Variants in NKAIN3 observed in about 807,000 individuals in gnomAD.
NKAIN3 encodes sodium/potassium transporting ATPase interacting 3.
A neutral mutation model predicts 30.2 loss-of-function variants in NKAIN3; 25 were observed. That is an observed-to-expected ratio of 0.83 (90% CI 0.60 to 1.16). The LOEUF is 1.16. NKAIN3 is among the 50% of genes most tolerant of loss of function. The probability of loss-of-function intolerance (pLI) is 0.00; values close to 1 mark genes in which losing one functional copy is unlikely to be tolerated. For missense variants in NKAIN3, 225 were observed against 254.1 expected, an observed-to-expected ratio of 0.89 and a Z score of 0.78; for synonymous variants, 91 against 89.6, an observed-to-expected ratio of 1.02 and a Z score of -0.09.
At chr8:62,413,117 T>C (rs1225544397) in intron 1 of NKAIN3, among the ~76,000 whole-genome samples, 1 of 152,106 alleles carries the variant, frequency 6.6e-6, no homozygotes, top group African/African-American at 2.4e-5. Flanking sequence ...CCAGTCAAAA[T>C]GACTATCATT....
intron 1 of NKAIN3, among the ~76,000 whole-genome samples, chr8:62,519,526 A>G (rs1353398520): frequency 6.6e-6 from 1 of 152,160 alleles, no homozygotes; most frequent in Non-Finnish European, 1.5e-5. Flanking sequence ...TATCATTAAA[A>G]GACACCTGAA....
intron 1 of NKAIN3, among the ~76,000 whole-genome samples, chr8:62,434,533 T>C (rs1341708450): frequency 6.6e-6 from 1 of 152,116 alleles, no homozygotes; most frequent in Non-Finnish European, 1.5e-5. Flanking sequence ...AACCCAATAA[T>C]GTATGATTTT....
At chr8:62,632,796 TTTAA>T (rs1586030932) in intron 3 of NKAIN3, among the ~76,000 whole-genome samples, 1 of 152,240 alleles carries the variant, frequency 6.6e-6, no homozygotes, top group Non-Finnish European at 1.5e-5. Flanking sequence ...TAAAAATGTC[TTTAA>T]TTAAGAATTA....
chr8:62,512,097 C>G (rs1364751606), intron 1 of NKAIN3, among the ~76,000 whole-genome samples: 1 of 152,054 alleles, frequency 6.6e-6, no homozygotes. Flanking sequence ...TGAACTTTCT[C>G]TTTTATACCA....
chr8:62,399,235 G>C (rs1817859400), intron 1 of NKAIN3, among the ~76,000 whole-genome samples: 1 of 152,152 alleles, frequency 6.6e-6, no homozygotes, highest in Non-Finnish European at 1.5e-5. Context: ...GCAGGGCATG[G>C]TAGCTCATGC....
At chr8:62,875,523 C>T (rs1033403664) in intron 4 of NKAIN3, among the ~76,000 whole-genome samples, 2 of 152,124 alleles carry the variant, frequency 1.3e-5, no homozygotes, top group Non-Finnish European at 2.9e-5. Flanking sequence ...TCAAGACAAT[C>T]TTCAGCAAAA....
chr8:62,400,166 T>TC (rs1362321326), intron 1 of NKAIN3, among the ~76,000 whole-genome samples: 3 of 145,876 alleles, frequency 2.1e-5, no homozygotes, highest in South Asian at 4.4e-4. Context: ...ATATTTTCTT[T>TC]TTTTTTTTTT....
At chr8:62,994,280 A>G (rs1287462974) in intron 5 of NKAIN3, among the ~76,000 whole-genome samples, 1 of 152,224 alleles carries the variant, frequency 6.6e-6, no homozygotes, top group Non-Finnish European at 1.5e-5. Flanking sequence ...TTATGCAGCT[A>G]TCAGAAAAGA....
chr8:62,861,163 T>C (rs1222068474), intron 4 of NKAIN3, among the ~76,000 whole-genome samples: 2 of 152,264 alleles, frequency 1.3e-5, no homozygotes, highest in South Asian at 2.1e-4. Flanking sequence ...CATGACAGAA[T>C]TGGAAACCTC....
Position 62,411,737 on chromosome 8 carries a change from A to T in NKAIN3, c.54+162610A>T, listed in dbSNP as rs117462021. On this transcript the variant is annotated intron_variant, in intron 1 of 6. Transcript: ENST00000623646. ...GGTTACAAGACAGTGTACAATAATC[A>T]GTAGCATTTCTATACAACAATAATT... Among the ~76,000 whole-genome samples the T allele has an allele frequency of 1.1e-3, 169 of 151,596 alleles. 4 individuals carry two copies. The East Asian group carries it at 0.032, about 28-fold the overall frequency.
chr8:62,290,168 T>A (rs1813539682), intron 1 of NKAIN3, among the ~76,000 whole-genome samples: 1 of 152,196 alleles, frequency 6.6e-6, no homozygotes, highest in Non-Finnish European at 1.5e-5. Context: ...TTTCTAAATA[T>A]ACAATCATGT....
intron 1 of NKAIN3, among the ~76,000 whole-genome samples, chr8:62,313,615 A>G (rs563936804): frequency 1.3e-5 from 2 of 152,172 alleles, no homozygotes; most frequent in Admixed American, 6.6e-5. Flanking sequence ...GATATTCCCT[A>G]TGGAAATAAT....
chr8:62,581,167 T>TAAAATAAAATAAAATAAAAA (rs1810282061), intron 2 of NKAIN3, among the ~76,000 whole-genome samples: 1 of 133,132 alleles, frequency 7.5e-6, no homozygotes, highest in African/African-American at 2.6e-5. Context: ...TAAAATAAAA[T>TAAAATAAAATAAAATAAAAA]AAAAATACAG....
At chr8:62,432,143 T>TA (rs1188432458) in intron 1 of NKAIN3, among the ~76,000 whole-genome samples, 1 of 151,852 alleles carries the variant, frequency 6.6e-6, no homozygotes, top group Non-Finnish European at 1.5e-5. Context: ...AAATAATCTA[T>TA]AAAAATGCAC....
intron 1 of NKAIN3, among the ~76,000 whole-genome samples, chr8:62,460,956 C>T (rs778611436): frequency 6.6e-6 from 1 of 152,138 alleles, no homozygotes; most frequent in Non-Finnish European, 1.5e-5. Context: ...AGCTTAAAAG[C>T]TTTGAGATAT....
At chr8:62,620,788 A>G (rs915613093) in intron 3 of NKAIN3, among the ~76,000 whole-genome samples, 2 of 152,180 alleles carry the variant, frequency 1.3e-5, no homozygotes, top group Non-Finnish European at 2.9e-5. Context: ...TTATTAACAT[A>G]TTGAACAATA....
chr8:62,372,646 T>C (rs1009909856), intron 1 of NKAIN3, among the ~76,000 whole-genome samples: 2 of 152,048 alleles, frequency 1.3e-5, no homozygotes, highest in African/African-American at 4.8e-5. Flanking sequence ...TATACTTGTC[T>C]ATATGCCAGA....
At chr8:62,722,423 A>G (rs1236076461) in intron 3 of NKAIN3, among the ~76,000 whole-genome samples, 1 of 152,170 alleles carries the variant, frequency 6.6e-6, no homozygotes, top group Non-Finnish European at 1.5e-5. Flanking sequence ...AATAACCCTC[A>G]TTATCATTCC....
intron 1 of NKAIN3, among the ~76,000 whole-genome samples, chr8:62,286,992 A>G (rs530088856): frequency 2.6e-5 from 4 of 151,630 alleles, no homozygotes; most frequent in East Asian, 2.0e-4. Context: ...GGGTAGCTTC[A>G]GTGTATTTCA....
Sources: gnomAD v4.1 joint callset for allele counts (sites outside exome capture counted in the v4.1 genomes callset) on GRCh38, gnomAD v4.1.1 for gene constraint, MANE v1.5 for transcripts, NCBI Gene and HGNC (gene_info 2026-07-23, HGNC 2026-07-21) for gene names.